Variants in ITSN2 observed in about 807,000 individuals in gnomAD.
ITSN2 encodes intersectin-2.
ITSN2 carries 156 observed loss-of-function variants against 243.7 expected under a neutral mutation model. That is an observed-to-expected ratio of 0.64 (90% CI 0.56 to 0.73). The LOEUF is 0.73. Among genes scored for constraint, ITSN2 ranks in the 30% least tolerant of loss-of-function variants. The pLI is 0.00. For synonymous variants in ITSN2, 703 were observed against 699.9 expected, an observed-to-expected ratio of 1.00 and a Z score of -0.07; for missense variants, 1,801 against 1,996.1, an observed-to-expected ratio of 0.90 and a Z score of 1.86.
intron 16 of ITSN2, among the ~76,000 whole-genome samples, chr2:24,285,374 T>C (rs1558552998): frequency 6.6e-6 from 1 of 152,250 alleles, no homozygotes; most frequent in Non-Finnish European, 1.5e-5. Flanking sequence ...CACCATGTTG[T>C]CCTTTCTTTA....
chr2:24,250,706 G>A (rs1673974520), intron 25 of ITSN2, among the ~76,000 whole-genome samples: 1 of 152,122 alleles, frequency 6.6e-6, no homozygotes, highest in Admixed American at 6.5e-5. Context: ...TAACGATTCA[G>A]CATTTGTCAA....
chr2:24,217,582 C>T (rs1573888455), intron 31 of ITSN2, among the ~76,000 whole-genome samples: 1 of 152,172 alleles, frequency 6.6e-6, no homozygotes, highest in Non-Finnish European at 1.5e-5. Flanking sequence ...GTTTTATCTG[C>T]GCCGTGAGCT....
chr2:24,281,486 T>C (rs1159688475), intron 17 of ITSN2, among the ~76,000 whole-genome samples: 2 of 152,236 alleles, frequency 1.3e-5, no homozygotes, highest in African/African-American at 4.8e-5. Flanking sequence ...GTAACTCTTC[T>C]GTCCCTCTCT....
At chr2:24,302,301 C>G (rs1681877019) in intron 9 of ITSN2, among the ~76,000 whole-genome samples, 199 bp from the exon 10 acceptor site, 1 of 152,066 alleles carries the variant, frequency 6.6e-6, no homozygotes, top group Admixed American at 6.5e-5. Context: ...CGGGTTCACG[C>G]CATTCTCCTG....
Position 24,225,175 on chromosome 2 carries a change from T to C in ITSN2, c.3578-4109A>G, listed in dbSNP as rs911632467. Among the ~76,000 whole-genome samples the C allele has an allele frequency of 4.6e-5, 7 of 152,126 alleles. No homozygotes were observed. Among genetic ancestry groups the C allele is most frequent in the Admixed American group, 2.0e-4 (3 of 15,286 alleles). On this transcript the variant is annotated intron_variant, in intron 29 of 39. Coordinates refer to ENST00000355123, the MANE Select transcript of ITSN2 (RefSeq NM_006277.3). The surrounding 1 kb of genome is among the most constrained non-coding windows in gnomAD (Gnocchi z 4.2). ...CCCCTCCCTTTCCTTCACGCTTCTATGTTCACTCTTCGCCATTTCCTTCTT... is the reference window on the plus strand; with the variant it reads ...CCCCTCCCTTTCCTTCACGCTTCTACGTTCACTCTTCGCCATTTCCTTCTT...
intron 37 of ITSN2, among the ~76,000 whole-genome samples, chr2:24,207,729 C>T (rs961886309): frequency 2.0e-5 from 3 of 151,234 alleles, no homozygotes; most frequent in Middle Eastern, 3.2e-3. Flanking sequence ...GGGGACAGGA[C>T]GTGGACTGAA....
rs549322676 is a variant in ITSN2 at position 24,294,303 on chromosome 2, G to A, written c.1636-528C>T. 2.6e-5 allele frequency among the ~76,000 whole-genome samples: 4 copies of A among 152,310 alleles called. No homozygotes were observed. In the East Asian group the frequency reaches 5.8e-4, roughly 22 times the overall value. Reference sequence around the variant, plus strand: ...TAGCCAGGCGTGGTGGTGGGTGCCTGTAATCCCAGCTACTCAGAAGGCTGA... The same window carrying A: ...TAGCCAGGCGTGGTGGTGGGTGCCTATAATCCCAGCTACTCAGAAGGCTGA... On this transcript the variant is annotated intron_variant, in intron 14 of 39. Coordinates refer to ENST00000355123, the MANE Select transcript of ITSN2 (RefSeq NM_006277.3).
Position 24,251,309 on chromosome 2 carries a change from C to CAAAAAAAAAATAAAAAAAAAAAAAA in ITSN2, c.3120+1035_3120+1036insTTTTTTTTTTTTTTATTTTTTTTTT, listed in dbSNP as rs1275035112. Among the ~76,000 whole-genome samples, 2 of 22,012 alleles carry CAAAAAAAAAATAAAAAAAAAAAAAA rather than the reference C, an allele frequency of 9.1e-5. 1 individual carries two copies. Among genetic ancestry groups the CAAAAAAAAAATAAAAAAAAAAAAAA allele is most frequent in the Non-Finnish European group, 1.5e-4 (2 of 13,752 alleles). 14.4% of individuals were successfully genotyped at this position (22,012 alleles called of 152,430 possible). Reference sequence around the variant, plus strand: ...TGGGCAACAGAACTAAACTCCATCTCAAAAAAAAAAAAAAATAAAATATAT... The same window carrying CAAAAAAAAAATAAAAAAAAAAAAAA: ...TGGGCAACAGAACTAAACTCCATCTCAAAAAAAAAATAAAAAAAAAAAAAAAAAAAAAAAAAAAAATAAAATATAT... On this transcript the variant is annotated intron_variant, in intron 25 of 39. Coordinates refer to ENST00000355123, the MANE Select transcript of ITSN2 (RefSeq NM_006277.3).
chr2:24,252,673 A>T (rs897958749), intron 24 of ITSN2, among the ~76,000 whole-genome samples, 162 bp from the exon 25 acceptor site: 1 of 152,242 alleles, frequency 6.6e-6, no homozygotes, highest in East Asian at 1.9e-4. Context: ...AAAAGGAACG[A>T]AGCAATTATT....
chr2:24,274,374 G>A (rs888546414), intron 18 of ITSN2, among the ~76,000 whole-genome samples: 1 of 152,046 alleles, frequency 6.6e-6, no homozygotes, highest in African/African-American at 2.4e-5. Flanking sequence ...GTTTGAGACC[G>A]GCCTGAGCAA....
intron 2 of ITSN2, among the ~76,000 whole-genome samples, chr2:24,326,254 A>G (rs1192716124): frequency 6.6e-6 from 1 of 152,202 alleles, no homozygotes; most frequent in Non-Finnish European, 1.5e-5. Flanking sequence ...AACATTTTAG[A>G]TGATTATTCA....
chr2:24,232,351 AT>A (rs1671710682), intron 29 of ITSN2, among the ~76,000 whole-genome samples: 1 of 152,186 alleles, frequency 6.6e-6, no homozygotes, highest in Non-Finnish European at 1.5e-5. Flanking sequence ...GACAAATTTT[AT>A]TGGTTTTATT....
At chr2:24,306,397 C>T (rs1682541973) in intron 8 of ITSN2, among the ~76,000 whole-genome samples, 1 of 152,150 alleles carries the variant, frequency 6.6e-6, no homozygotes, top group South Asian at 2.1e-4. Context: ...CCACATTATT[C>T]TGATTTCTAT....
chr2:24,308,528 T>C, intron 8 of ITSN2, 89 bp downstream of exon 8: 1 of 818,168 alleles, frequency 1.2e-6, no homozygotes, highest in Non-Finnish European at 1.7e-6. Context: ...TCAGATGAGC[T>C]ACACAATACA....
intron 1 of ITSN2, among the ~76,000 whole-genome samples, chr2:24,342,350 G>A (rs1476339343): frequency 6.6e-6 from 1 of 151,590 alleles, no homozygotes; most frequent in East Asian, 1.9e-4. Flanking sequence ...AGAGCACGCT[G>A]CCAAGCCCGG....
intron 37 of ITSN2, 102 bp downstream of exon 37, chr2:24,208,135 C>A (rs1421142307): frequency 1.2e-5 from 12 of 1,033,334 alleles, no homozygotes; most frequent in Admixed American, 1.9e-5. Context: ...CAGGTCTGGT[C>A]TTTCAGACCC....
intron 15 of ITSN2, 35 bp downstream of exon 15, chr2:24,293,653 G>A (rs772444474): frequency 4.1e-6 from 3 of 728,860 alleles, no homozygotes; most frequent in South Asian, 3.6e-5. Flanking sequence ...ATTCAGAAAA[G>A]GATAAAAGTA....
chr2:24,231,553 C>T (rs1671593260), intron 29 of ITSN2, among the ~76,000 whole-genome samples: 1 of 152,158 alleles, frequency 6.6e-6, no homozygotes, highest in Admixed American at 6.5e-5. Flanking sequence ...CAAGACCCAC[C>T]CCCACACTGT....
Position 24,203,493 on chromosome 2 carries a change from CAG to C in ITSN2, c.*131_*132del. 5 of 861,370 alleles carry C rather than the reference CAG, an allele frequency of 5.8e-6. No individual in the cohort carries two copies. The highest frequency in any genetic ancestry group is 3.8e-5 in the South Asian group (2 of 53,012). The allele number at this position is 861,370 out of a possible 1,614,324, so 53.4% of individuals were successfully genotyped here. On this transcript the variant is annotated 3_prime_UTR_variant, in exon 40 of 40. Transcript: ENST00000355123. ...GCTAGCTATTTAGTGTGCAGGAAAA[CAG>C]AGCCCCCAGCGTGCATGGCTTTGTG...
Sources: allele counts gnomAD v4.1 joint callset (sites outside exome capture counted in the v4.1 genomes callset), GRCh38; gene constraint gnomAD v4.1.1; non-coding constraint Gnocchi (gnomAD v3.1); transcripts MANE v1.5; gene names NCBI Gene and HGNC (gene_info 2026-07-23, HGNC 2026-07-21).